Variants in FAM107B observed in about 807,000 individuals in gnomAD.
The protein encoded by FAM107B is protein FAM107B.
FAM107B carries 21 observed loss-of-function variants against 31.5 expected under a neutral mutation model. The ratio of observed to expected loss-of-function variants is 0.67; its 90% CI spans 0.47 to 0.96. FAM107B has a LOEUF of 0.96. Ranked by LOEUF, FAM107B falls within the 40% of genes least tolerant of loss-of-function variation. The pLI is 0.00. For synonymous variants in FAM107B, 157 were observed against 141.5 expected, an observed-to-expected ratio of 1.11 and a Z score of -0.78; for missense variants, 452 against 377.1, an observed-to-expected ratio of 1.20 and a Z score of -1.64.
chr10:14,732,526 A>C (rs1460600056), intron 1 of FAM107B, among the ~76,000 whole-genome samples: 12 of 152,162 alleles, frequency 7.9e-5, no homozygotes, highest in Non-Finnish European at 1.5e-4. Flanking sequence ...TGTTTCGAGA[A>C]GCAAATGTAT....
intron 2 of FAM107B, among the ~76,000 whole-genome samples, chr10:14,631,326 T>A (rs1274412616): frequency 6.6e-6 from 1 of 152,226 alleles, no homozygotes; most frequent in Non-Finnish European, 1.5e-5. Context: ...AACATCCATA[T>A]AAAGTACCAT....
chr10:14,595,721 A>G (rs1490945551), intron 2 of FAM107B, among the ~76,000 whole-genome samples: 1 of 152,218 alleles, frequency 6.6e-6, no homozygotes, highest in Non-Finnish European at 1.5e-5. Flanking sequence ...CCAGAGGCTG[A>G]TGTGAACATC....
At chr10:14,694,665 C>T (rs1350504934) in intron 1 of FAM107B, among the ~76,000 whole-genome samples, 11 of 151,954 alleles carry the variant, frequency 7.2e-5, no homozygotes, top group Admixed American at 5.3e-4. Flanking sequence ...ATTACAGGCG[C>T]GGGACACCGT....
chr10:14,539,949 T>C (rs904084008), intron 2 of FAM107B, among the ~76,000 whole-genome samples: 1 of 152,134 alleles, frequency 6.6e-6, no homozygotes, highest in Admixed American at 6.5e-5. Flanking sequence ...GAATGTCCCC[T>C]AGGTTCAGCC....
intron 1 of FAM107B, among the ~76,000 whole-genome samples, chr10:14,754,831 T>C (rs1166103687): frequency 3.3e-5 from 5 of 152,214 alleles, no homozygotes; most frequent in Non-Finnish European, 7.3e-5. Flanking sequence ...TACGGATAAT[T>C]TTATTTTCCT....
In FAM107B at chr10:14,521,283, C is replaced by T. The variant is rs764339947; in HGVS notation, c.828G>A (p.Leu276=). The change falls in exon 5 of 5, where the codon TTG becomes TTA. Residue 276 remains leucine, a synonymous_variant. Coordinates refer to ENST00000181796, the MANE Select transcript of FAM107B (RefSeq NM_031453.4). ...CGGGGGCATTTTCTTGCTCTTCTTG[C>T]AATTTCTGCTTCTCAAGTTCAAGCT... ...LEQLELEKQK[L]QEEQENAPEF... 3.7e-6 allele frequency: 6 copies of T among 1,614,008 alleles called. No individual in the cohort carries two copies. The highest frequency in any genetic ancestry group is 5.1e-6 in the Non-Finnish European group (6 of 1,179,996).
At chr10:14,619,902 G>A (rs1012215620) in intron 2 of FAM107B, among the ~76,000 whole-genome samples, 1 of 150,604 alleles carries the variant, frequency 6.6e-6, no homozygotes, top group South Asian at 2.1e-4. Flanking sequence ...GTATACAGAT[G>A]TTCCATTGTT....
rs563767468 is a variant in FAM107B at position 14,749,163 on chromosome 10, G to A, written c.411+25090C>T. On this transcript the variant is annotated intron_variant, in intron 1 of 4. Coordinates refer to ENST00000181796, the MANE Select transcript of FAM107B (RefSeq NM_031453.4). ...GAGCTTAGTGCCAGCCACCCTTTCC[G>A]GAAGGGATGAATTGCCAAGGTGGAA... 5.4e-4 allele frequency among the ~76,000 whole-genome samples: 82 copies of A among 152,264 alleles called. 1 individual carries two copies. The highest frequency in any genetic ancestry group is 1.8e-3 in the African/African-American group (76 of 41,548).
At chr10:14,633,653 A>T (rs1208323395) in intron 2 of FAM107B, among the ~76,000 whole-genome samples, 1 of 152,242 alleles carries the variant, frequency 6.6e-6, no homozygotes, top group Non-Finnish European at 1.5e-5. Flanking sequence ...AATAATATTC[A>T]GTAGGGGTCT....
intron 1 of FAM107B, among the ~76,000 whole-genome samples, chr10:14,755,012 T>C (rs1210058822): frequency 6.6e-6 from 1 of 152,152 alleles, no homozygotes; most frequent in African/African-American, 2.4e-5. Flanking sequence ...GGGCCAGGAA[T>C]TGAGTCAAGA....
At chr10:14,771,281 C>A (rs2131601179) in intron 1 of FAM107B, among the ~76,000 whole-genome samples, 1 of 152,202 alleles carries the variant, frequency 6.6e-6, no homozygotes, top group Non-Finnish European at 1.5e-5. Flanking sequence ...TGTTATATAC[C>A]ATGAAGCTAT....
At chr10:14,585,959 C>A (rs1187729286) in intron 2 of FAM107B, among the ~76,000 whole-genome samples, 2 of 152,186 alleles carry the variant, frequency 1.3e-5, no homozygotes, top group African/African-American at 2.4e-5. Flanking sequence ...GCATACAAGG[C>A]ACCCTCAGGG....
intron 3 of FAM107B, among the ~76,000 whole-genome samples, chr10:14,522,692 G>C (rs1396950394): frequency 6.6e-6 from 1 of 152,060 alleles, no homozygotes; most frequent in Non-Finnish European, 1.5e-5. Flanking sequence ...GGGATTACAG[G>C]CGTGAGCCAC....
intron 2 of FAM107B, among the ~76,000 whole-genome samples, chr10:14,647,871 C>G (rs547985146): frequency 6.6e-6 from 1 of 152,136 alleles, no homozygotes; most frequent in East Asian, 1.9e-4. Context: ...GGTAAACACC[C>G]TCTAATATTG....
At position 14,632,060 on chromosome 10, in the gene FAM107B, G is replaced by C. The variant is rs187881072; in HGVS notation, c.469+35574C>G. ...CACCTGTAATCCCAGCACTTTGGGA[G>C]GCCAGGCAGGCGGACCACCTGAGGT... On this transcript the variant is annotated intron_variant, in intron 2 of 4. Coordinates refer to ENST00000181796, the MANE Select transcript of FAM107B (RefSeq NM_031453.4). Among the ~76,000 whole-genome samples the C allele has an allele frequency of 6.8e-4, 104 of 152,088 alleles. 1 individual carries two copies. Among genetic ancestry groups the C allele is most frequent in the African/African-American group, 2.5e-3 (102 of 41,492 alleles).
intron 1 of FAM107B, among the ~76,000 whole-genome samples, chr10:14,677,224 A>T (rs1854704392): frequency 6.6e-6 from 1 of 152,082 alleles, no homozygotes; most frequent in Non-Finnish European, 1.5e-5. Context: ...CTCAAAAACG[A>T]CAAAAAGGAG....
intron 1 of FAM107B, among the ~76,000 whole-genome samples, chr10:14,761,562 A>G (rs1473699775): frequency 6.6e-6 from 1 of 152,136 alleles, no homozygotes; most frequent in Non-Finnish European, 1.5e-5. Flanking sequence ...AAGCATGCTA[A>G]TGATACAAGG....
chr10:14,575,805 G>A (rs1037096128), intron 2 of FAM107B, among the ~76,000 whole-genome samples: 4 of 152,012 alleles, frequency 2.6e-5, no homozygotes, highest in Non-Finnish European at 4.4e-5. Context: ...TTTAAAATGC[G>A]GGCTGTGACC....
At chr10:14,714,160 G>A (rs1022472810) in intron 1 of FAM107B, among the ~76,000 whole-genome samples, 2 of 152,180 alleles carry the variant, frequency 1.3e-5, no homozygotes, top group Non-Finnish European at 2.9e-5. Context: ...ACAAACCTGT[G>A]TATTTACCCC....
Sources: allele counts gnomAD v4.1 joint callset (sites outside exome capture counted in the v4.1 genomes callset), GRCh38; gene constraint gnomAD v4.1.1; transcripts MANE v1.5; gene names NCBI Gene and HGNC (gene_info 2026-07-23, HGNC 2026-07-21).